SGCD: variants seen among roughly 807,000 people sequenced by gnomAD.
The protein encoded by SGCD is sarcoglycan delta, also known as delta-sarcoglycan.
Under a neutral mutation model 36.6 loss-of-function variants are expected in SGCD, and 18 were observed. That is an observed-to-expected ratio of 0.49 (90% CI 0.34 to 0.73). SGCD has a LOEUF of 0.73. Ranked by LOEUF, SGCD falls within the 30% of genes least tolerant of loss-of-function variation. SGCD has a pLI of 0.01. For synonymous variants in SGCD, 133 were observed against 130.6 expected (o/e 1.02, Z -0.12); for missense variants, 387 against 346.7 (o/e 1.12, Z -0.92).
At chr5:156,181,236 A>G (rs1033382228) in intron 3 of SGCD, among the ~76,000 whole-genome samples, 1 of 152,184 alleles carries the variant, frequency 6.6e-6, no homozygotes, top group Non-Finnish European at 1.5e-5. Flanking sequence ...GAAAACATCT[A>G]ATAATTAGCA....
At chr5:156,525,677 C>T (rs1038100329) in intron 4 of SGCD, among the ~76,000 whole-genome samples, 2 of 151,960 alleles carry the variant, frequency 1.3e-5, no homozygotes, top group Non-Finnish European at 2.9e-5. Context: ...TAGAGCTTTG[C>T]CCCTATGTTT....
At chr5:156,223,894 CA>C (rs1422732410) in intron 3 of SGCD, among the ~76,000 whole-genome samples, 1 of 151,914 alleles carries the variant, frequency 6.6e-6, no homozygotes, top group African/African-American at 2.4e-5. Context: ...AGTAAATGAA[CA>C]TATGTGATAA....
At chr5:156,726,201 C>T (rs73304909) in intron 7 of SGCD, among the ~76,000 whole-genome samples, 4,246 of 152,212 alleles carry the variant, frequency 0.028, 184 homozygotes, top group African/African-American at 0.098. Context: ...GAGACCTTGC[C>T]TATTACAATA....
rs375159661 is a variant in SGCD at position 156,759,248 on chromosome 5, C to T, written c.731C>T (p.Pro244Leu). Reference sequence around the variant, plus strand: ...TTAGATGCTGCGAAAATCAGGCTACCTAGACTGCCTCATGGATCCTACACG... The same window carrying T: ...TTAGATGCTGCGAAAATCAGGCTACTTAGACTGCCTCATGGATCCTACACG... ...IKLDAAKIRLPRLPHGSYTPT... is the reference protein window; with the variant it reads ...IKLDAAKIRLLRLPHGSYTPT... Residue 244 changes from proline (P) to leucine (L), a missense_variant, in exon 9 of 9, where the codon CCT becomes CTT. By Grantham distance (98) the Pro-to-Leu change is moderately conservative (BLOSUM62 -3). Coordinates refer to ENST00000337851, the MANE Select transcript of SGCD (RefSeq NM_000337.6). The T allele has an allele frequency of 5.4e-5, 87 of 1,613,652 alleles. No individual in the cohort carries two copies. Among genetic ancestry groups the T allele is most frequent in the Non-Finnish European group, 7.3e-5 (86 of 1,179,758 alleles).
At chr5:156,731,169 C>T (rs563674686) in intron 7 of SGCD, among the ~76,000 whole-genome samples, 1 of 152,104 alleles carries the variant, frequency 6.6e-6, no homozygotes, top group East Asian at 1.9e-4. Context: ...AAAAAACAAG[C>T]AAATTTTGCA....
intron 4 of SGCD, among the ~76,000 whole-genome samples, chr5:156,574,480 T>G (rs1038743954): frequency 6.6e-6 from 1 of 152,172 alleles, no homozygotes; most frequent in Non-Finnish European, 1.5e-5. Context: ...AAACTAAGGC[T>G]GTGTAATCTA....
chr5:155,768,841 G>C, the SGCD span, among the ~76,000 whole-genome samples: 2 of 152,072 alleles, frequency 1.3e-5, no homozygotes, highest in Admixed American at 6.6e-5. Flanking sequence ...GTATGTCCTC[G>C]ATGTCCTTTT....
chr5:156,007,360 G>A (rs916672835), intron 1 of SGCD, among the ~76,000 whole-genome samples: 2 of 152,182 alleles, frequency 1.3e-5, no homozygotes, highest in Non-Finnish European at 2.9e-5. Flanking sequence ...TCGGAAGGCA[G>A]TTTGAGTTTA....
intron 1 of SGCD, among the ~76,000 whole-genome samples, chr5:156,053,114 T>A (rs532969587): frequency 6.8e-6 from 1 of 146,896 alleles, no homozygotes; most frequent in African/African-American, 2.4e-5. Context: ...CCCTACCTAG[T>A]AGCTAGCTGA....
rs1757391466 is a variant in SGCD at position 156,757,639 on chromosome 5, G to A, written c.634G>A (p.Ala212Thr). The A allele has an allele frequency of 2.5e-6, 4 of 1,611,002 alleles. No homozygotes were observed. The highest frequency in any genetic ancestry group is 3.4e-6 in the Non-Finnish European group (4 of 1,178,664). ...GGCCCCAAAAGGAGTGGAAATCAATGCAGAAGCTGGCAATATGGAAGCCAC... is the reference window on the plus strand; with the variant it reads ...GGCCCCAAAAGGAGTGGAAATCAATACAGAAGCTGGCAATATGGAAGCCAC... The part of the protein sequence containing the change: ...MEAPKGVEIN[A>T]EAGNMEATCR... Residue 212 changes from alanine (A) to threonine (T), a missense_variant, in exon 8 of 9, where the codon GCA (alanine) becomes ACA (threonine). Ala to Thr is a moderately conservative substitution (Grantham distance 58). Coordinates refer to ENST00000337851, the MANE Select transcript of SGCD (RefSeq NM_000337.6).
At chr5:155,965,782 G>A (rs1260878255) in intron 1 of SGCD, among the ~76,000 whole-genome samples, 1 of 152,016 alleles carries the variant, frequency 6.6e-6, no homozygotes, top group Non-Finnish European at 1.5e-5. Flanking sequence ...AATACGAAGG[G>A]CTCTAAAAGC....
chr5:155,932,087 C>G (rs1437452611), intron 1 of SGCD, among the ~76,000 whole-genome samples: 2 of 152,116 alleles, frequency 1.3e-5, no homozygotes, highest in East Asian at 1.9e-4. Flanking sequence ...AATAACCCAC[C>G]TTGGGGGTTA....
intron 3 of SGCD, among the ~76,000 whole-genome samples, chr5:156,346,343 C>T (rs11748820): frequency 5.3e-5 from 8 of 151,648 alleles, no homozygotes; most frequent in African/African-American, 1.7e-4. Context: ...TTTTCACAGA[C>T]GCTGTAGGAC....
chr5:156,520,616 G>A (rs953897145), intron 4 of SGCD, among the ~76,000 whole-genome samples: 8 of 151,972 alleles, frequency 5.3e-5, no homozygotes, highest in Admixed American at 3.9e-4. Context: ...TGGAGGCATC[G>A]TGCGACCCAA....
At chr5:156,574,054 C>A (rs1759828461) in intron 4 of SGCD, among the ~76,000 whole-genome samples, 1 of 152,136 alleles carries the variant, frequency 6.6e-6, no homozygotes, top group African/African-American at 2.4e-5. Context: ...CTTTACTCGG[C>A]ACTATGCTGC....
intron 3 of SGCD, among the ~76,000 whole-genome samples, chr5:156,310,128 G>C (rs1478421217): frequency 6.6e-6 from 1 of 152,076 alleles, no homozygotes; most frequent in Non-Finnish European, 1.5e-5. Context: ...AAATTTACCT[G>C]GGCATGCATA....
chr5:156,168,687 C>T (rs966690396), intron 3 of SGCD, among the ~76,000 whole-genome samples: 6 of 152,184 alleles, frequency 3.9e-5, no homozygotes, highest in African/African-American at 1.4e-4. Flanking sequence ...TCCTAATAAT[C>T]CTCGTAGAGA....
the SGCD span, among the ~76,000 whole-genome samples, chr5:155,823,180 G>A: frequency 6.6e-6 from 1 of 151,382 alleles, no homozygotes; most frequent in Admixed American, 6.6e-5. Flanking sequence ...ATATGTTCTT[G>A]TGATGACAGA....
chr5:156,508,271 C>A (rs1343303696), intron 3 of SGCD, among the ~76,000 whole-genome samples: 5 of 152,154 alleles, frequency 3.3e-5, no homozygotes, highest in African/African-American at 4.8e-5. Flanking sequence ...GAGAATTATC[C>A]TTTTCTCTCC....
Sources: allele counts gnomAD v4.1 joint callset (sites outside exome capture counted in the v4.1 genomes callset), GRCh38; gene constraint gnomAD v4.1.1; transcripts MANE v1.5; gene names NCBI Gene and HGNC (gene_info 2026-07-23, HGNC 2026-07-21).